Variants in CCSER1 observed in about 807,000 individuals in gnomAD.
CCSER1 encodes coiled-coil serine rich protein 1.
In CCSER1, 41 loss-of-function variants were observed where a neutral mutation model predicts 82.0. The ratio of observed to expected loss-of-function variants is 0.50; its 90% CI spans 0.39 to 0.65. The LOEUF (loss-of-function observed/expected upper bound fraction) is 0.65. Ranked by LOEUF, CCSER1 falls within the 30% of genes least tolerant of loss-of-function variation. The pLI is 0.00. For missense variants in CCSER1, 1,119 were observed against 1,064.2 expected (o/e 1.05, Z -0.72); for synonymous variants, 414 against 383.9 (o/e 1.08, Z -0.92).
chr4:91,596,451 AT>A (rs1211917011), intron 10 of CCSER1, among the ~76,000 whole-genome samples: 1 of 152,096 alleles, frequency 6.6e-6, no homozygotes, highest in Non-Finnish European at 1.5e-5. Context: ...AGCACCCATG[AT>A]ATGTCTAACA....
At position 91,192,073 on chromosome 4, in the gene CCSER1, T is replaced by A. The variant is rs1380920715; in HGVS notation, c.2217+106079T>A. On this transcript the variant is annotated intron_variant, in intron 10 of 10. Coordinates refer to ENST00000509176, the MANE Select transcript of CCSER1 (RefSeq NM_001145065.2). ...CTTAACTATACCAAATAAAAAAGCT[T>A]ACTGCTAATCCTGCTGAGACCCTTT... is the stretch of plus-strand genomic sequence containing the variant. Among the ~76,000 whole-genome samples, 4 of 152,280 alleles carry A rather than the reference T, an allele frequency of 2.6e-5. No homozygotes were observed. In the East Asian group the frequency reaches 7.7e-4, roughly 29 times the overall value.
chr4:91,418,380 T>C (rs905128946), intron 10 of CCSER1, among the ~76,000 whole-genome samples: 7 of 126,278 alleles, frequency 5.5e-5, no homozygotes, highest in African/African-American at 2.1e-4. Flanking sequence ...ATAAATAAAA[T>C]GTTAAATGAA....
At position 90,445,952 on chromosome 4, in the gene CCSER1, T is replaced by C. The variant is rs535842472; in HGVS notation, c.1604-22282T>C. Among the ~76,000 whole-genome samples the C allele has an allele frequency of 1.2e-4, 19 of 152,302 alleles. No individual in the cohort carries two copies. In the East Asian group the frequency reaches 3.7e-3, roughly 29 times the overall value. On this transcript the variant is annotated intron_variant, in intron 4 of 10. Coordinates refer to ENST00000509176, the MANE Select transcript of CCSER1 (RefSeq NM_001145065.2). ...AGCATTTGTTTATGAATTGAGAACA[T>C]TGGTCCAACAGGATGAAATACCAAC...
At chr4:90,510,132 A>C (rs962390227) in intron 5 of CCSER1, among the ~76,000 whole-genome samples, 2 of 152,198 alleles carry the variant, frequency 1.3e-5, no homozygotes, top group Admixed American at 1.3e-4. Flanking sequence ...GGACAAATGC[A>C]GGCAAAAATA....
chr4:90,183,296 T>G (rs2153387376), intron 1 of CCSER1, among the ~76,000 whole-genome samples: 1 of 152,140 alleles, frequency 6.6e-6, no homozygotes. Context: ...CACACAACCC[T>G]GTATCCGGTT....
At chr4:90,836,767 G>A (rs1761858131) in intron 8 of CCSER1, among the ~76,000 whole-genome samples, 1 of 152,126 alleles carries the variant, frequency 6.6e-6, no homozygotes, top group Non-Finnish European at 1.5e-5. Context: ...TTCCTCTGGT[G>A]GACTTCATCA....
At chr4:91,268,058 A>T (rs924788546) in intron 10 of CCSER1, among the ~76,000 whole-genome samples, 2 of 152,218 alleles carry the variant, frequency 1.3e-5, no homozygotes, top group Middle Eastern at 3.2e-3. Flanking sequence ...TATCTCAGAA[A>T]ACATATGTGT....
intron 10 of CCSER1, among the ~76,000 whole-genome samples, chr4:91,220,655 C>CT (rs1737658317): frequency 2.0e-5 from 3 of 151,954 alleles, no homozygotes; most frequent in Admixed American, 2.0e-4. Flanking sequence ...GTGTCTTTCT[C>CT]TTTTTTTATT....
chr4:90,587,968 T>C (rs966371795), intron 5 of CCSER1, among the ~76,000 whole-genome samples: 1 of 152,244 alleles, frequency 6.6e-6, no homozygotes, highest in East Asian at 1.9e-4. Flanking sequence ...ATAAAAGTTA[T>C]GCTTATACTA....
chr4:91,099,219 T>C (rs1415235693), intron 10 of CCSER1, among the ~76,000 whole-genome samples: 1 of 152,188 alleles, frequency 6.6e-6, no homozygotes, highest in Non-Finnish European at 1.5e-5. Context: ...TTCTGTATAG[T>C]TTAGTAGAAT....
At chr4:90,200,561 A>G (rs1031328014) in intron 1 of CCSER1, among the ~76,000 whole-genome samples, 1 of 152,088 alleles carries the variant, frequency 6.6e-6, no homozygotes, top group Non-Finnish European at 1.5e-5. Flanking sequence ...CTTAACTGCT[A>G]TGAAGTTATG....
chr4:91,176,756 C>G (rs973879639), intron 10 of CCSER1, among the ~76,000 whole-genome samples: 4 of 152,108 alleles, frequency 2.6e-5, no homozygotes, highest in Non-Finnish European at 4.4e-5. Context: ...ACAATCATAT[C>G]ATCTGCAAAC....
chr4:90,932,908 G>GAGAAAGAAA (rs1730057876), intron 9 of CCSER1, among the ~76,000 whole-genome samples: 2 of 33,486 alleles, frequency 6.0e-5, no homozygotes, highest in Non-Finnish European at 1.2e-4. Context: ...GAGAAAGAAG[G>GAGAAAGAAA]AGAAAGAAAG....
chr4:91,421,647 C>T (rs1425565544), intron 10 of CCSER1, among the ~76,000 whole-genome samples: 5 of 151,860 alleles, frequency 3.3e-5, no homozygotes, highest in African/African-American at 7.3e-5. Flanking sequence ...CTCAAGTTGA[C>T]GCATAAAATA....
intron 10 of CCSER1, among the ~76,000 whole-genome samples, chr4:91,392,935 G>A (rs185270665): frequency 3.9e-5 from 6 of 152,106 alleles, no homozygotes; most frequent in South Asian, 2.1e-4. Flanking sequence ...CCCACCCCTC[G>A]AGTTTTTGAT....
intron 5 of CCSER1, among the ~76,000 whole-genome samples, chr4:90,488,087 T>G (rs1329841758): frequency 6.6e-6 from 1 of 152,220 alleles, no homozygotes; most frequent in Non-Finnish European, 1.5e-5. Context: ...AGAGATAGCA[T>G]GTTCCCTGTT....
At chr4:91,131,319 C>G (rs1205054858) in intron 10 of CCSER1, among the ~76,000 whole-genome samples, 1 of 140,594 alleles carries the variant, frequency 7.1e-6, no homozygotes, top group Non-Finnish European at 1.5e-5. Flanking sequence ...TAATCTAGAA[C>G]AGTTCTCCCC....
chr4:90,546,163 AAG>A, intron 5 of CCSER1, among the ~76,000 whole-genome samples: 1 of 152,198 alleles, frequency 6.6e-6, no homozygotes, highest in South Asian at 2.1e-4. Flanking sequence ...AGCTCATTGA[AAG>A]AGGTTATTTC....
At chr4:90,171,098 C>CA (rs1203183809) in intron 1 of CCSER1, among the ~76,000 whole-genome samples, 3 of 151,188 alleles carry the variant, frequency 2.0e-5, no homozygotes, top group Non-Finnish European at 4.4e-5. Context: ...CAAAAGATCT[C>CA]ATGTACCCCA....
Sources: gnomAD v4.1 joint callset for allele counts (sites outside exome capture counted in the v4.1 genomes callset) on GRCh38, gnomAD v4.1.1 for gene constraint, MANE v1.5 for transcripts, NCBI Gene and HGNC (gene_info 2026-07-23, HGNC 2026-07-21) for gene names.